Variants in RFTN1 observed in about 807,000 individuals in gnomAD.
The protein encoded by RFTN1 is raftlin, lipid raft linker 1, also known as raftlin.
In RFTN1, 26 loss-of-function variants were observed where a neutral mutation model predicts 46.5. The ratio of observed to expected loss-of-function variants is 0.56; its 90% CI spans 0.41 to 0.78. The LOEUF (loss-of-function observed/expected upper bound fraction) is 0.78, where lower values mean the gene tolerates loss of function less well. Among genes scored for constraint, RFTN1 ranks in the 30% least tolerant of loss-of-function variants. RFTN1 has a pLI of 0.00. For missense variants in RFTN1, 693 were observed against 718.7 expected, an observed-to-expected ratio of 0.96 and a Z score of 0.41; for synonymous variants, 261 against 284.2, an observed-to-expected ratio of 0.92 and a Z score of 0.82.
chr3:16,438,994 T>C (rs1483719164), intron 2 of RFTN1, among the ~76,000 whole-genome samples: 1 of 152,226 alleles, frequency 6.6e-6, no homozygotes, highest in Non-Finnish European at 1.5e-5. Flanking sequence ...ATAATACCTT[T>C]TAAATTTTTA....
At position 16,475,625 on chromosome 3, in the gene RFTN1, C is replaced by T. The variant is rs1461202524; in HGVS notation, c.145+18100G>A. ...TGGCACCTGGAGAGTCTCTAGAGTG[C>T]CTCTTGGTACTTCCATGTCCAAGAG... On this transcript the variant is annotated intron_variant, in intron 2 of 9. Coordinates refer to ENST00000334133, the MANE Select transcript of RFTN1 (RefSeq NM_015150.2). This position sits in a 1 kb window ranked among gnomAD's most constrained non-coding sequence, Gnocchi z 4.2. Among the ~76,000 whole-genome samples the T allele has an allele frequency of 6.6e-6, 1 of 152,124 alleles. No homozygotes were observed. Among genetic ancestry groups the T allele is most frequent in the Non-Finnish European group, 1.5e-5 (1 of 68,026 alleles).
In RFTN1 at chr3:16,457,106, G is replaced by A. The variant is rs2075921458; in HGVS notation, c.146-23069C>T. Reference sequence around the variant, plus strand: ...AAAACAGGCTCTTTAATCTTTTACAGTTCACCACATTTGTTTTACAGCCTC... The same window carrying A: ...AAAACAGGCTCTTTAATCTTTTACAATTCACCACATTTGTTTTACAGCCTC... On this transcript the variant is annotated intron_variant, in intron 2 of 9. Coordinates refer to ENST00000334133, the MANE Select transcript of RFTN1 (RefSeq NM_015150.2). The surrounding 1 kb of genome is among the most constrained non-coding windows in gnomAD (Gnocchi z 4.2). Among the ~76,000 whole-genome samples, 1 of 152,178 alleles carries A rather than the reference G, an allele frequency of 6.6e-6. No individual in the cohort carries two copies. The highest frequency in any genetic ancestry group is 6.5e-5 in the Admixed American group (1 of 15,276).
At position 16,317,052 on chromosome 3, in the gene RFTN1, A is replaced by G. The variant is rs1575210719; in HGVS notation, c.1513T>C (p.Ser505Pro). Reference sequence around the variant, plus strand: ...TGGACAGGGCCCTTCATCTCCTCGGAGACTCCACCCTCCTGCTGCTGTCCT... The same window carrying G: ...TGGACAGGGCCCTTCATCTCCTCGGGGACTCCACCCTCCTGCTGCTGTCCT... ...VSGQQQEGGV[S>P]EEMKGPVQED... The change falls in exon 10 of 10, where the codon TCC becomes CCC. Residue 505 changes from serine (S) to proline (P), a missense_variant. Physicochemically the swap from Ser to Pro is moderately conservative, Grantham distance 74 (BLOSUM62 -1). Transcript: ENST00000334133. This position sits in a 1 kb window ranked among gnomAD's most constrained non-coding sequence, Gnocchi z 4.3. 6.2e-7 allele frequency: 1 copy of G among 1,613,582 alleles called. No homozygotes were observed. Among genetic ancestry groups the G allele is most frequent in the Non-Finnish European group, 8.5e-7 (1 of 1,179,920 alleles).
In RFTN1 at chr3:16,429,575, A is replaced by G. The variant is rs1272751360; in HGVS notation, c.332+4276T>C. On this transcript the variant is annotated intron_variant, in intron 3 of 9. Transcript: ENST00000334133. The surrounding 1 kb of genome is among the most constrained non-coding windows in gnomAD (Gnocchi z 6.4). ...CTTAATTAGACTGCAAGTGCTTGGAAGGCAGGCTCCACATTCAACTGAGCC... is the reference window on the plus strand; with the variant it reads ...CTTAATTAGACTGCAAGTGCTTGGAGGGCAGGCTCCACATTCAACTGAGCC... Among the ~76,000 whole-genome samples, 2 of 152,164 alleles carry G rather than the reference A, an allele frequency of 1.3e-5. 1 individual carries two copies. The highest frequency in any genetic ancestry group is 2.9e-5 in the Non-Finnish European group (2 of 68,034).
intron 1 of RFTN1, among the ~76,000 whole-genome samples, chr3:16,508,973 A>T (rs772082511): frequency 6.6e-6 from 1 of 152,248 alleles, no homozygotes; most frequent in Non-Finnish European, 1.5e-5. Flanking sequence ...AGACGGAAGG[A>T]CTGAATTTTA....
rs1054584472 is a variant in RFTN1 at position 16,400,766 on chromosome 3, G to C, written c.441+8609C>G. ...GGAAGATCACAGGCTAATAAAAATA[G>C]CAAGAGGACAGAGGATCAAGAGAGG... On this transcript the variant is annotated intron_variant, in intron 4 of 9. Coordinates refer to ENST00000334133, the MANE Select transcript of RFTN1 (RefSeq NM_015150.2). The surrounding 1 kb of genome is among the most constrained non-coding windows in gnomAD (Gnocchi z 4.5). Among the ~76,000 whole-genome samples, 2 of 152,152 alleles carry C rather than the reference G, an allele frequency of 1.3e-5. No homozygotes were observed. Among genetic ancestry groups the C allele is most frequent in the South Asian group, 2.1e-4 (1 of 4,822 alleles).
At position 16,360,581 on chromosome 3, in the gene RFTN1, A is replaced by AT. The variant is rs1266472417; in HGVS notation, c.1031-2535_1031-2534insA. Among the ~76,000 whole-genome samples the AT allele has an allele frequency of 3.3e-5, 5 of 152,236 alleles. No individual in the cohort carries two copies. The East Asian group carries it at 7.7e-4, about 23-fold the overall frequency. ...GTACAATCTTTATAGAAAGCAATTT[A>AT]ACAATGTTGCAGGAGCTTGCCACAA... On this transcript the variant is annotated intron_variant, in intron 6 of 9. Coordinates refer to ENST00000334133, the MANE Select transcript of RFTN1 (RefSeq NM_015150.2).
rs1261407052 is a variant in RFTN1, at chr3:16,337,273, T to C, written c.1147-10397A>G. The C allele has an allele frequency of 6.6e-6, 1 of 152,206 alleles. No homozygotes were observed. The highest frequency in any genetic ancestry group is 1.9e-4 in the East Asian group (1 of 5,202). The allele number at this position is 152,206 out of a possible 1,614,324, so 9.4% of individuals were successfully genotyped here. A position where few individuals can be genotyped will look rare whatever the true frequency, so the allele number is the denominator to read the frequency against. On this transcript the variant is annotated intron_variant, in intron 7 of 9. Transcript: ENST00000334133. The surrounding 1 kb of genome is among the most constrained non-coding windows in gnomAD (Gnocchi z 5.0). ...CACATGCTGAGATTAGTCGATTTCC[T>C]AAAAGTTGAAGGAAAAATCACCCAG...
intron 2 of RFTN1, among the ~76,000 whole-genome samples, chr3:16,482,346 G>A (rs1364893386): frequency 6.6e-6 from 1 of 152,214 alleles, no homozygotes; most frequent in Middle Eastern, 3.2e-3. Flanking sequence ...ATAAGACAAT[G>A]CTCAACCACT....
At chr3:16,367,483 G>T (rs557007) in intron 6 of RFTN1, among the ~76,000 whole-genome samples, 119,376 of 151,748 alleles carry the variant, frequency 0.79, 47,679 homozygotes, top group African/African-American at 0.92. Flanking sequence ...TCTGAGAATT[G>T]TGCAGCCCTC....
chr3:16,379,722 A>C (rs1301709226), intron 4 of RFTN1, among the ~76,000 whole-genome samples: 3 of 152,196 alleles, frequency 2.0e-5, no homozygotes, highest in Non-Finnish European at 4.4e-5. Context: ...AAGACAAAAA[A>C]ATCTTAAAGC....
At chr3:16,325,494 A>G (rs1486271026) in intron 8 of RFTN1, among the ~76,000 whole-genome samples, 4 of 152,182 alleles carry the variant, frequency 2.6e-5, no homozygotes, top group African/African-American at 9.7e-5. Flanking sequence ...TCTTCTGGAA[A>G]TTGACCAGGA....
Position 16,353,518 on chromosome 3 carries a change from G to T in RFTN1, c.1146+4414C>A, listed in dbSNP as rs953477349. ...CCACACCAGCAGCAGCAGCTCACTTGAAAATGTTTTAGAAATGAAAATTCT... is the reference window on the plus strand; with the variant it reads ...CCACACCAGCAGCAGCAGCTCACTTTAAAATGTTTTAGAAATGAAAATTCT... On this transcript the variant is annotated intron_variant, in intron 7 of 9. Coordinates refer to ENST00000334133, the MANE Select transcript of RFTN1 (RefSeq NM_015150.2). This position sits in a 1 kb window ranked among gnomAD's most constrained non-coding sequence, Gnocchi z 5.4. Among the ~76,000 whole-genome samples, 2 of 152,178 alleles carry T rather than the reference G, an allele frequency of 1.3e-5. No individual in the cohort carries two copies. Among genetic ancestry groups the T allele is most frequent in the African/African-American group, 4.8e-5 (2 of 41,432 alleles).
In RFTN1 at chr3:16,382,784, A is replaced by C. The variant is rs2125387298; in HGVS notation, c.442-4682T>G. On this transcript the variant is annotated intron_variant, in intron 4 of 9. Coordinates refer to ENST00000334133, the MANE Select transcript of RFTN1 (RefSeq NM_015150.2). This position sits in a 1 kb window ranked among gnomAD's most constrained non-coding sequence, Gnocchi z 4.7. ...CTGGAATTACTTCCTCCTTCTCCAT[A>C]AAGTGACCATCCAAGCTCACTTTAT... 6.6e-6 allele frequency among the ~76,000 whole-genome samples: 1 copy of C among 152,220 alleles called. No individual in the cohort carries two copies. Among genetic ancestry groups the C allele is most frequent in the East Asian group, 1.9e-4 (1 of 5,180 alleles).
Position 16,418,872 on chromosome 3 carries a change from ACTGCCCTCAAGTCTAGATC to A in RFTN1, c.333-9408_333-9390del, listed in dbSNP as rs957894795. 3.3e-5 allele frequency among the ~76,000 whole-genome samples: 5 copies of A among 152,302 alleles called. No homozygotes were observed. Among genetic ancestry groups the A allele is most frequent in the African/African-American group, 1.2e-4 (5 of 41,558 alleles). The stretch of plus-strand genomic sequence containing the variant: ...TGACCACATATGAGGGATTGAAGGC[ACTGCCCTCAAGTCTAGATC>A]CTGCCCTCAAGTCTAGATAGACTGT... On this transcript the variant is annotated intron_variant, in intron 3 of 9. Coordinates refer to ENST00000334133, the MANE Select transcript of RFTN1 (RefSeq NM_015150.2). The surrounding 1 kb of genome is among the most constrained non-coding windows in gnomAD (Gnocchi z 5.0).
At position 16,413,360 on chromosome 3, in the gene RFTN1, G is replaced by A. The variant is rs1323427096; in HGVS notation, c.333-3877C>T. ...GGCCTGGTTGTCCAAGATACCACAG[G>A]ACAAAGGAATAAATATTCCGCTATC... is the stretch of plus-strand genomic sequence containing the variant. On this transcript the variant is annotated intron_variant, in intron 3 of 9. Coordinates refer to ENST00000334133, the MANE Select transcript of RFTN1 (RefSeq NM_015150.2). This position sits in a 1 kb window ranked among gnomAD's most constrained non-coding sequence, Gnocchi z 4.7. Among the ~76,000 whole-genome samples, 1 of 152,214 alleles carries A rather than the reference G, an allele frequency of 6.6e-6. No individual in the cohort carries two copies. Among genetic ancestry groups the A allele is most frequent in the African/African-American group, 2.4e-5 (1 of 41,442 alleles).
At chr3:16,414,562 C>T (rs2075038463) in intron 3 of RFTN1, among the ~76,000 whole-genome samples, 1 of 150,922 alleles carries the variant, frequency 6.6e-6, no homozygotes, top group Admixed American at 6.6e-5. Context: ...CAAGATCACA[C>T]CACTGCACTC....
At chr3:16,461,310 T>G (rs1417232997) in intron 2 of RFTN1, among the ~76,000 whole-genome samples, 3 of 152,148 alleles carry the variant, frequency 2.0e-5, no homozygotes, top group Non-Finnish European at 2.9e-5. Context: ...TCTAAGGTGG[T>G]TTAACTGGGA....
At position 16,322,460 on chromosome 3, in the gene RFTN1, AGGAGCCG is replaced by A. The variant is rs2069177076; in HGVS notation, c.1332+909_1332+915del. On this transcript the variant is annotated intron_variant, in intron 9 of 9. Transcript: ENST00000334133. The surrounding 1 kb of genome is among the most constrained non-coding windows in gnomAD (Gnocchi z 6.2). Reference sequence around the variant, plus strand: ...GAATGCAGGAGTGATGCCAGGAGTGAGGAGCCGAGCAGGTCAGGCAGGCCCTGCCGAG... The same window carrying A: ...GAATGCAGGAGTGATGCCAGGAGTGAAGCAGGTCAGGCAGGCCCTGCCGAG... Among the ~76,000 whole-genome samples, 2 of 152,192 alleles carry A rather than the reference AGGAGCCG, an allele frequency of 1.3e-5. No homozygotes were observed.
Sources: gnomAD v4.1 joint callset for allele counts (sites outside exome capture counted in the v4.1 genomes callset) on GRCh38, gnomAD v4.1.1 for gene constraint, Gnocchi (gnomAD v3.1) non-coding constraint, MANE v1.5 for transcripts, NCBI Gene and HGNC (gene_info 2026-07-23, HGNC 2026-07-21) for gene names.